Variants in PTH2R observed in about 807,000 individuals in gnomAD.
PTH2R encodes the protein PTH2 receptor.
A neutral mutation model predicts 60.3 loss-of-function variants in PTH2R; 59 were observed. That is an observed-to-expected ratio of 0.98 (90% CI 0.79 to 1.22). PTH2R has a LOEUF of 1.22. Ranked by LOEUF, PTH2R falls within the 50% of genes most tolerant of loss-of-function variation. The probability of loss-of-function intolerance (pLI) is 0.00; values close to 1 mark genes in which losing one functional copy is unlikely to be tolerated. For synonymous variants in PTH2R, 256 were observed against 243.8 expected (o/e 1.05, Z -0.47); for missense variants, 749 against 682.6 (o/e 1.10, Z -1.08).
chr2:208,387,602 A>G (rs961745488), intron 1 of PTH2R, among the ~76,000 whole-genome samples: 1 of 152,214 alleles, frequency 6.6e-6, no homozygotes, highest in Admixed American at 6.5e-5. Context: ...CCTCCTTTAA[A>G]AATGTGACTC....
chr2:208,361,374 G>C (rs936786313), intron 1 of PTH2R: 1 of 152,244 alleles, frequency 6.6e-6, no homozygotes, highest in Non-Finnish European at 1.5e-5. Flanking sequence ...GCTGTGGGAG[G>C]CTGTAGTTGC....
At position 208,446,373 on chromosome 2, in the gene PTH2R, T is replaced by C. The variant is rs537806587; in HGVS notation, c.853+1486T>C. Among the ~76,000 whole-genome samples the C allele has an allele frequency of 8.5e-5, 13 of 152,334 alleles. 1 individual carries two copies. In the South Asian group the frequency reaches 2.5e-3, roughly 29 times the overall value. On this transcript the variant is annotated intron_variant, in intron 7 of 12. Coordinates refer to ENST00000272847, the MANE Select transcript of PTH2R (RefSeq NM_005048.4). ...TGAGCTTCTATGCAAGTATGGTTTC[T>C]TACCTTCCTTTACAGCTTTTATTAA...
chr2:208,478,284 C>T (rs141687680), intron 9 of PTH2R, among the ~76,000 whole-genome samples: 187 of 152,106 alleles, frequency 1.2e-3, no homozygotes, highest in African/African-American at 4.1e-3. Flanking sequence ...AAAGAACATG[C>T]GTTTGTTCTC....
chr2:208,442,414 C>G lies in PTH2R; in HGVS notation c.462C>G (p.Ile154Met), dbSNP rs1444397439. Reference sequence around the variant, plus strand: ...TAATGTATACCGTTGGCTACTCCATCTCTTTTGGTTCCTTGGCTGTGGCTA... The same window carrying G: ...TAATGTATACCGTTGGCTACTCCATGTCTTTTGGTTCCTTGGCTGTGGCTA... ...LYVMYTVGYS[I>M]SFGSLAVAIL... is the part of the protein sequence containing the mutation. The change falls in exon 5 of 13, where the codon ATC becomes ATG. Residue 154 changes from isoleucine (I) to methionine (M), a missense_variant. By Grantham distance (10) the Ile-to-Met change is conservative (BLOSUM62 1). Transcript: ENST00000272847. 2.5e-6 allele frequency: 4 copies of G among 1,613,510 alleles called. No individual in the cohort carries two copies. The highest frequency in any genetic ancestry group is 3.4e-6 in the Non-Finnish European group (4 of 1,179,564).
chr2:208,477,970 GTACTACTAGCACTAC>G (rs1348818526), intron 9 of PTH2R, among the ~76,000 whole-genome samples: 443 of 28,508 alleles, frequency 0.016, 3 homozygotes, highest in African/African-American at 0.027. Context: ...ACTAGTACTA[GTACTACTAGCACTAC>G]TACTAGTACT....
At chr2:208,410,344 C>T (rs970292191) in intron 1 of PTH2R, among the ~76,000 whole-genome samples, 1 of 152,156 alleles carries the variant, frequency 6.6e-6, no homozygotes, top group Admixed American at 6.5e-5. Context: ...CTCACACAAG[C>T]AGCCATGATT....
chr2:208,478,192 A>G (rs563932736), intron 9 of PTH2R, among the ~76,000 whole-genome samples: 1 of 152,288 alleles, frequency 6.6e-6, no homozygotes, highest in East Asian at 1.9e-4. Context: ...AATCTGCCAC[A>G]TCCTCCAGAT....
At chr2:208,411,610 C>T (rs1701540727) in intron 1 of PTH2R, among the ~76,000 whole-genome samples, 1 of 152,204 alleles carries the variant, frequency 6.6e-6, no homozygotes. Flanking sequence ...AGCAGGCATT[C>T]ATGCATCTCA....
chr2:208,485,520 A>T (rs1703252473), intron 10 of PTH2R, among the ~76,000 whole-genome samples: 1 of 152,228 alleles, frequency 6.6e-6, no homozygotes, highest in Non-Finnish European at 1.5e-5. Context: ...AATAGAGAGT[A>T]AAAGTCCATT....
Position 208,489,024 on chromosome 2 carries a change from A to G in PTH2R, c.1089A>G (p.Lys363=). 2 of 1,614,106 alleles carry G rather than the reference A, an allele frequency of 1.2e-6. No individual in the cohort carries two copies. The highest frequency in any genetic ancestry group is 1.7e-6 in the Non-Finnish European group (2 of 1,180,022). ...TGTTCTCCTTTAGGAAACTGGCCAA[A>G]TCGACACTGGTCCTGGTCCTAGTCT... ...DTRKQYRKLA[K]STLVLVLVFG... is the part of the protein sequence containing the mutation. Residue 363 remains lysine, a synonymous_variant, in exon 11 of 13, where the codon AAA becomes AAG. Transcript: ENST00000272847.
In PTH2R at chr2:208,492,832, C is replaced by T. The variant is rs559706770; in HGVS notation, c.1258-432C>T. 2.6e-5 allele frequency among the ~76,000 whole-genome samples: 4 copies of T among 152,260 alleles called. No individual in the cohort carries two copies. In the South Asian group the frequency reaches 8.3e-4, roughly 32 times the overall value. ...ATCCTAGGGATGCCACCTTGTGCTG[C>T]TAGAACCATGCTTGAGTTTGGGCAG... On this transcript the variant is annotated intron_variant, in intron 12 of 12. Transcript: ENST00000272847.
intron 1 of PTH2R, among the ~76,000 whole-genome samples, chr2:208,375,266 C>T (rs1283608409): frequency 2.0e-5 from 3 of 151,910 alleles, no homozygotes; most frequent in East Asian, 1.9e-4. Context: ...TGAATCCCCC[C>T]GTGAACCTCA....
intron 1 of PTH2R, among the ~76,000 whole-genome samples, chr2:208,412,618 G>T (rs1170366352): frequency 6.6e-6 from 1 of 152,182 alleles, no homozygotes; most frequent in Non-Finnish European, 1.5e-5. Context: ...ACACTGTACT[G>T]GGAGATAGGA....
At chr2:208,454,102 A>G (rs1292954236) in intron 8 of PTH2R, among the ~76,000 whole-genome samples, 1 of 152,210 alleles carries the variant, frequency 6.6e-6, no homozygotes, top group Non-Finnish European at 1.5e-5. Context: ...GACTTTGGCC[A>G]GAGCCCCCCA....
Position 208,437,626 on chromosome 2 carries a change from A to T in PTH2R, c.268A>T (p.Ile90Phe), listed in dbSNP as rs753710072. The T allele has an allele frequency of 6.2e-7, 1 of 1,612,848 alleles. No homozygotes were observed. Among genetic ancestry groups the T allele is most frequent in the African/African-American group, 1.3e-5 (1 of 74,958 alleles). ...KISAVPCPPY[I>F]YDFNHKGVAF... ...ATCGGCTGTTCCATGCCCTCCTTAT[A>T]TTTATGACTTCAACCATAAAGGTAT... Residue 90 changes from isoleucine to phenylalanine, a missense_variant, in exon 3 of 13, where the codon ATT (isoleucine) becomes TTT (phenylalanine). Ile to Phe is a conservative substitution (Grantham distance 21). Transcript: ENST00000272847.
At chr2:208,465,298 A>G (rs1281107275) in intron 9 of PTH2R, among the ~76,000 whole-genome samples, 1 of 142,644 alleles carries the variant, frequency 7.0e-6, no homozygotes, top group Non-Finnish European at 1.5e-5. Context: ...TCTAACAGGT[A>G]TGAGGTGTTA....
At chr2:208,387,165 TG>T (rs981506382) in intron 1 of PTH2R, among the ~76,000 whole-genome samples, 2 of 152,204 alleles carry the variant, frequency 1.3e-5, no homozygotes, top group Non-Finnish European at 2.9e-5. Context: ...GCAGAGATAG[TG>T]CTTTATACAT....
Position 208,448,284 on chromosome 2 carries a change from T to G in PTH2R, c.854-2465T>G, listed in dbSNP as rs76091226. 5.0e-3 allele frequency among the ~76,000 whole-genome samples: 758 copies of G among 152,356 alleles called. 9 individuals carry two copies. Among genetic ancestry groups the G allele is most frequent in the African/African-American group, 0.017 (712 of 41,582 alleles). On this transcript the variant is annotated intron_variant, in intron 7 of 12. Coordinates refer to ENST00000272847, the MANE Select transcript of PTH2R (RefSeq NM_005048.4). The stretch of plus-strand genomic sequence containing the variant: ...TTAGGTTATTTTGTTTGTTTTCTTG[T>G]TGTGATCATATGTATCATATTCAAC...
chr2:208,442,477 C>T lies in PTH2R; in HGVS notation c.509+16C>T. On this transcript the variant is annotated intron_variant, in intron 5 of 12. Coordinates refer to ENST00000272847, the MANE Select transcript of PTH2R (RefSeq NM_005048.4). ...GTTACTTCAGGTGAGTGATGCCCAT[C>T]ACTTTTTCCATGAAGGGGCACATTG... 6.5e-7 allele frequency: 1 copy of T among 1,549,532 alleles called. No individual in the cohort carries two copies. The highest frequency in any genetic ancestry group is 8.9e-7 in the Non-Finnish European group (1 of 1,121,432).
Sources: gnomAD v4.1 joint callset for allele counts (sites outside exome capture counted in the v4.1 genomes callset) on GRCh38, gnomAD v4.1.1 for gene constraint, MANE v1.5 for transcripts, NCBI Gene and HGNC (gene_info 2026-07-23, HGNC 2026-07-21) for gene names.